Variants in PSMG1 observed in about 807,000 individuals in gnomAD.
The protein encoded by PSMG1 is Down syndrome critical region gene 2.
In PSMG1, 23 loss-of-function variants were observed where a neutral mutation model predicts 37.2. That is an observed-to-expected ratio of 0.62 (90% CI 0.44 to 0.88). The LOEUF (loss-of-function observed/expected upper bound fraction) is 0.88, where lower values mean the gene tolerates loss of function less well. Among genes scored for constraint, PSMG1 ranks in the 40% least tolerant of loss-of-function variants. The probability of loss-of-function intolerance (pLI) is 0.00; values close to 1 mark genes in which losing one functional copy is unlikely to be tolerated. For synonymous variants in PSMG1, 127 were observed against 128.0 expected, an observed-to-expected ratio of 0.99 and a Z score of 0.05; for missense variants, 340 against 344.2, an observed-to-expected ratio of 0.99 and a Z score of 0.10.
intron 3 of PSMG1, 129 bp from the exon 4 acceptor site, chr21:39,180,115 C>T (rs1328801090): frequency 8.2e-7 from 1 of 1,225,486 alleles, no homozygotes; most frequent in Non-Finnish European, 1.1e-6. Context: ...TATTGACCTA[C>T]TTATTTCTCT....
At position 39,174,921 on chromosome 21, in the gene PSMG1, T is replaced by C. The variant is rs1028687605; in HGVS notation, c.*669A>G. The C allele has an allele frequency of 2.0e-5, 3 of 152,178 alleles. No individual in the cohort carries two copies. The highest frequency in any genetic ancestry group is 4.4e-5 in the Non-Finnish European group (3 of 68,038). The allele number at this position is 152,178 out of a possible 1,614,324, so 9.4% of individuals were successfully genotyped here. On this transcript the variant is annotated 3_prime_UTR_variant, in exon 7 of 7. Coordinates refer to ENST00000331573, the MANE Select transcript of PSMG1 (RefSeq NM_003720.4). ...GAAGAGGCTATCTGTCAGATATTAC[T>C]AAAAAGTGAGGACATACACATTTCT...
chr21:39,182,695 G>C (rs2030892412), intron 1 of PSMG1, among the ~76,000 whole-genome samples: 1 of 152,140 alleles, frequency 6.6e-6, no homozygotes, highest in South Asian at 2.1e-4. Context: ...GGTTGTGTAG[G>C]GGTCAGGGCT....
Position 39,175,583 on chromosome 21 carries a change from T to TTTAA in PSMG1, c.*3_*6dup. The TTTAA allele has an allele frequency of 6.3e-7, 1 of 1,586,370 alleles. No individual in the cohort carries two copies. The highest frequency in any genetic ancestry group is 8.7e-7 in the Non-Finnish European group (1 of 1,155,560). On this transcript the variant is annotated 3_prime_UTR_variant, in exon 7 of 7. Coordinates refer to ENST00000331573, the MANE Select transcript of PSMG1 (RefSeq NM_003720.4). Reference sequence around the variant, plus strand: ...AAGTAATATACACTACAAAACAATGTTTAAGATCATGTATAAATGTTACTC... The same window carrying TTTAA: ...AAGTAATATACACTACAAAACAATGTTTAATTAAGATCATGTATAAATGTTACTC...
chr21:39,180,463 G>A, intron 2 of PSMG1, 27 bp from the exon 3 acceptor site: 4 of 1,550,674 alleles, frequency 2.6e-6, no homozygotes, highest in South Asian at 1.2e-5. Flanking sequence ...ACATAAGTTA[G>A]TGTTTGGCTC....
intron 4 of PSMG1, 180 bp from the exon 5 acceptor site, chr21:39,178,827 C>T: frequency 1.6e-6 from 1 of 629,718 alleles, no homozygotes; most frequent in Non-Finnish European, 2.7e-6. Flanking sequence ...CTTGGTTCTG[C>T]TTTCTAGGTG....
At chr21:39,183,488 C>A, upstream of PSMG1, 2 of 1,375,340 alleles carry the variant, frequency 1.5e-6, no homozygotes, top group Admixed American at 2.6e-5. Flanking sequence ...AGTCCCGCCC[C>A]GCACAGGCCA....
At chr21:39,177,888 G>A (rs1038232667) in intron 5 of PSMG1, among the ~76,000 whole-genome samples, 1 of 151,984 alleles carries the variant, frequency 6.6e-6, no homozygotes, top group Non-Finnish European at 1.5e-5. Context: ...AGTACAAAAT[G>A]CATAAAGTGA....
rs189878072 is a variant in PSMG1 at position 39,183,414 on chromosome 21, T to C, written c.-29A>G. The C allele has an allele frequency of 4.5e-6, 7 of 1,562,162 alleles. No homozygotes were observed. The highest frequency in any genetic ancestry group is 2.3e-5 in the South Asian group (2 of 85,784). On this transcript the variant is annotated 5_prime_UTR_variant, in exon 1 of 7. Coordinates refer to ENST00000331573, the MANE Select transcript of PSMG1 (RefSeq NM_003720.4). ...CGCCCCGTGACCGGCTGGACACAAC[T>C]GCAGCGCCGCGGGACCGCACGCCGG...
chr21:39,176,489 G>C (rs1037622551), intron 6 of PSMG1, among the ~76,000 whole-genome samples: 1 of 152,244 alleles, frequency 6.6e-6, no homozygotes, highest in African/African-American at 2.4e-5. Flanking sequence ...TACTTTGAAA[G>C]AGATGCTAAA....
At chr21:39,175,880 C>T (rs557540805) in intron 6 of PSMG1, among the ~76,000 whole-genome samples, 17 of 152,242 alleles carry the variant, frequency 1.1e-4, no homozygotes, top group African/African-American at 3.4e-4. Flanking sequence ...TCCTGGCCTC[C>T]GATGGTCTCC....
At chr21:39,182,626 C>G (rs865867355) in intron 1 of PSMG1, among the ~76,000 whole-genome samples, 5 of 152,124 alleles carry the variant, frequency 3.3e-5, no homozygotes, top group Non-Finnish European at 4.4e-5. Flanking sequence ...GACTGGAATT[C>G]GCTTAGGAGT....
At position 39,175,405 on chromosome 21, in the gene PSMG1, G is replaced by T; in HGVS notation, c.*185C>A. On this transcript the variant is annotated 3_prime_UTR_variant, in exon 7 of 7. Coordinates refer to ENST00000331573, the MANE Select transcript of PSMG1 (RefSeq NM_003720.4). ...CCTAGTGGATAAAAGGAAAATGCTT[G>T]GCTTATTTTGGTTGTGAATAATACC... The T allele has an allele frequency of 1.2e-6, 1 of 848,542 alleles. No homozygotes were observed. The highest frequency in any genetic ancestry group is 1.6e-6 in the Non-Finnish European group (1 of 643,128). The allele number at this position is 848,542 out of a possible 1,614,324, so 52.6% of individuals were successfully genotyped here. A position where few individuals can be genotyped will look rare whatever the true frequency, so the allele number is the denominator to read the frequency against.
At chr21:39,183,489 G>T, upstream of PSMG1, 1 of 1,367,492 alleles carries the variant, frequency 7.3e-7, no homozygotes, top group Non-Finnish European at 9.6e-7. Context: ...GTCCCGCCCC[G>T]CACAGGCCAC....
In PSMG1 at chr21:39,175,873, TG is replaced by T. The variant is rs376307333; in HGVS notation, c.793-210del. Among the ~76,000 whole-genome samples the T allele has an allele frequency of 1.1e-3, 170 of 152,172 alleles. 1 individual carries two copies. Among genetic ancestry groups the T allele is most frequent in the Non-Finnish European group, 2.0e-3 (135 of 68,022 alleles). ...CCTGCCACACTCGCCGATGATCTCC[TG>T]GCCTCCGATGGTCTCCTGGCCTCTG... On this transcript the variant is annotated intron_variant, in intron 6 of 6. Transcript: ENST00000331573.
At chr21:39,177,338 G>T in intron 6 of PSMG1, 97 bp downstream of exon 6, 1 of 1,191,668 alleles carries the variant, frequency 8.4e-7, no homozygotes, top group Non-Finnish European at 1.1e-6. Flanking sequence ...GGATCTCCAA[G>T]CATTGCTTAG....
chr21:39,178,513 G>C lies in PSMG1; in HGVS notation c.591C>G (p.Phe197Leu), dbSNP rs759272360. 6.2e-6 allele frequency: 10 copies of C among 1,614,024 alleles called. No homozygotes were observed. The East Asian group carries it at 1.8e-4, about 29-fold the overall frequency. ...PFLRALKTQN[F>L]KDSACCPLLE... Reference sequence around the variant, plus strand: ...GCAATGGACAACACGCCGAGTCTTTGAAATTCTGTGTTTTTAGGGCTCTCA... The same window carrying C: ...GCAATGGACAACACGCCGAGTCTTTCAAATTCTGTGTTTTTAGGGCTCTCA... Residue 197 changes from phenylalanine to leucine, a missense_variant, in exon 5 of 7, where the codon TTC becomes TTG. Coordinates refer to ENST00000331573, the MANE Select transcript of PSMG1 (RefSeq NM_003720.4).
At chr21:39,176,927 G>A (rs1471264353) in intron 6 of PSMG1, among the ~76,000 whole-genome samples, 2 of 152,164 alleles carry the variant, frequency 1.3e-5, no homozygotes, top group Non-Finnish European at 2.9e-5. Flanking sequence ...TGAGATTACA[G>A]GCAAACATTT....
chr21:39,179,264 C>T (rs549284898), intron 4 of PSMG1, among the ~76,000 whole-genome samples: 1 of 152,216 alleles, frequency 6.6e-6, no homozygotes, highest in Admixed American at 6.5e-5. Context: ...CTCAGGTATT[C>T]TTTATAGCAA....
intron 5 of PSMG1, 49 bp downstream of exon 5, chr21:39,178,400 T>G: frequency 6.6e-7 from 1 of 1,519,266 alleles, no homozygotes; most frequent in Non-Finnish European, 9.1e-7. Flanking sequence ...AAAAGTAGTA[T>G]CAATAAAGCA....
Sources: gnomAD v4.1 joint callset for allele counts (sites outside exome capture counted in the v4.1 genomes callset) on GRCh38, gnomAD v4.1.1 for gene constraint, MANE v1.5 for transcripts, NCBI Gene and HGNC (gene_info 2026-07-23, HGNC 2026-07-21) for gene names.